Variants in SWAP70 observed in about 807,000 individuals in gnomAD.
SWAP70 encodes the protein switch-associated protein 70.
In SWAP70, 34 loss-of-function variants were observed where a neutral mutation model predicts 80.2. The ratio of observed to expected loss-of-function variants is 0.42; its 90% CI spans 0.32 to 0.56. SWAP70 has a LOEUF of 0.56. Ranked by LOEUF, SWAP70 falls within the 20% of genes least tolerant of loss-of-function variation. SWAP70 has a pLI of 0.09. For synonymous variants in SWAP70, 239 were observed against 238.5 expected, an observed-to-expected ratio of 1.00 and a Z score of -0.02; for missense variants, 578 against 690.7, an observed-to-expected ratio of 0.84 and a Z score of 1.83.
At chr11:9,676,381 G>T (rs994684193) in intron 1 of SWAP70, among the ~76,000 whole-genome samples, 4 of 152,054 alleles carry the variant, frequency 2.6e-5, no homozygotes, top group African/African-American at 9.7e-5. Context: ...CTCTTCTTTT[G>T]TTTGTACAGT....
At chr11:9,686,344 C>CTTATTTATTTATTTATTTATTTATTTAT (rs139472434) in intron 1 of SWAP70, among the ~76,000 whole-genome samples, 2 of 143,830 alleles carry the variant, frequency 1.4e-5, no homozygotes, top group African/African-American at 5.1e-5. Context: ...CTTTTATTTT[C>CTTATTTATTTATTTATTTATTTATTTAT]TTATTTATTT....
Position 9,724,901 on chromosome 11 carries a change from C to A in SWAP70, c.642+16C>A. 6.7e-7 allele frequency: 1 copy of A among 1,484,526 alleles called. No homozygotes were observed. The highest frequency in any genetic ancestry group is 9.3e-7 in the Non-Finnish European group (1 of 1,080,976). The allele number at this position is 1,484,526 out of a possible 1,614,324, so 92.0% of individuals were successfully genotyped here. ...GTTAAAGCAGGTAAGAATTCTGTTA[C>A]TGTTTTTTTTTCTCATCTTTAGAAT... On this transcript the variant is annotated intron_variant, in intron 4 of 11. Transcript: ENST00000318950.
At chr11:9,714,728 A>AG (rs534855693) in intron 3 of SWAP70, among the ~76,000 whole-genome samples, 29 of 151,772 alleles carry the variant, frequency 1.9e-4, no homozygotes, top group South Asian at 1.5e-3. Context: ...GGAGTGAGGG[A>AG]GGTATCCAGC....
chr11:9,668,418 T>C (rs1176848010), intron 1 of SWAP70, among the ~76,000 whole-genome samples: 1 of 152,254 alleles, frequency 6.6e-6, no homozygotes. Flanking sequence ...CTTGTCTGTA[T>C]GAGACTTTGG....
At chr11:9,707,394 A>G (rs1400066655) in intron 2 of SWAP70, among the ~76,000 whole-genome samples, 2 of 149,684 alleles carry the variant, frequency 1.3e-5, no homozygotes, top group African/African-American at 2.5e-5. Flanking sequence ...ACCTTCTATT[A>G]TAAGTAGAAT....
At chr11:9,723,695 A>T (rs1357451311) in intron 3 of SWAP70, among the ~76,000 whole-genome samples, 1 of 152,094 alleles carries the variant, frequency 6.6e-6, no homozygotes, top group Non-Finnish European at 1.5e-5. Flanking sequence ...TTTCCAGAAA[A>T]TAAGAGGTAT....
At chr11:9,715,220 C>T (rs1443291096) in intron 3 of SWAP70, among the ~76,000 whole-genome samples, 11 of 152,062 alleles carry the variant, frequency 7.2e-5, no homozygotes, top group Admixed American at 7.2e-4. Flanking sequence ...CTCAAGTGAT[C>T]CCTTTACCTC....
At chr11:9,728,002 G>A (rs764706707) in intron 4 of SWAP70, 51 bp from the exon 5 acceptor site, 2 of 1,358,794 alleles carry the variant, frequency 1.5e-6, no homozygotes, top group South Asian at 1.4e-5. Context: ...AGAGATGTCA[G>A]CTCTTACAAA....
intron 5 of SWAP70, 135 bp downstream of exon 5, chr11:9,728,334 C>A: frequency 2.0e-6 from 2 of 1,006,962 alleles, no homozygotes; most frequent in East Asian, 2.9e-5. Flanking sequence ...ATAATATAGG[C>A]ATGCAGTTGC....
At chr11:9,718,886 G>T (rs1028485947) in intron 3 of SWAP70, among the ~76,000 whole-genome samples, 5 of 152,012 alleles carry the variant, frequency 3.3e-5, no homozygotes, top group Admixed American at 2.6e-4. Context: ...GATTGCTTGA[G>T]CTGGGGAGTT....
chr11:9,725,554 TATATATA>T (rs1564829473), intron 4 of SWAP70, among the ~76,000 whole-genome samples: 6 of 10,178 alleles, frequency 5.9e-4, no homozygotes, highest in African/African-American at 1.8e-3. Context: ...TATATATATA[TATATATA>T]TATATATATT....
At chr11:9,697,622 A>G (rs1850775135) in intron 2 of SWAP70, among the ~76,000 whole-genome samples, 1 of 152,296 alleles carries the variant, frequency 6.6e-6, no homozygotes, top group Middle Eastern at 3.4e-3. Context: ...TTTTTCAAGA[A>G]TTTTGCAGCA....
At chr11:9,680,484 T>C (rs1409423667) in intron 1 of SWAP70, among the ~76,000 whole-genome samples, 1 of 152,152 alleles carries the variant, frequency 6.6e-6, no homozygotes, top group Non-Finnish European at 1.5e-5. Context: ...GGCATGATCT[T>C]GGCTCACTGC....
At chr11:9,729,288 G>T (rs1851264812) in intron 5 of SWAP70, 55 bp from the exon 6 acceptor site, 1 of 1,063,118 alleles carries the variant, frequency 9.4e-7, no homozygotes. Flanking sequence ...AATTCAAATT[G>T]AATTTCATTT....
Position 9,751,487 on chromosome 11 carries a change from G to A in SWAP70, c.*1517G>A, listed in dbSNP as rs1363232318. 1 of 152,148 alleles carries A rather than the reference G, an allele frequency of 6.6e-6. No individual in the cohort carries two copies. The highest frequency in any genetic ancestry group is 6.5e-5 in the Admixed American group (1 of 15,270). 9.4% of individuals were successfully genotyped at this position (152,148 alleles called of 1,614,324 possible). A position where few individuals can be genotyped will look rare whatever the true frequency, so the allele number is the denominator to read the frequency against. On this transcript the variant is annotated 3_prime_UTR_variant, in exon 12 of 12. Transcript: ENST00000318950. ...AAGCTTAAAATTGTAAATAAATATG[G>A]GGATAATTCAGTTGTTGCAAAAAAA...
rs754570139 is a variant in SWAP70, at chr11:9,738,235, G to A, written c.1103G>A (p.Arg368His). ...VRKKLEEAAS[R>H]AAEEEKKRLQ... ...TAGAAACTGGAGGAAGCAGCATCTC[G>A]TGCAGCAGAAGAGGAAAAGAAACGC... The change falls in exon 8 of 12, where the codon CGT becomes CAT. Residue 368 changes from arginine (R) to histidine (H), a missense_variant. Transcript: ENST00000318950. 24 of 1,609,776 alleles carry A rather than the reference G, an allele frequency of 1.5e-5. No homozygotes were observed. The highest frequency in any genetic ancestry group is 3.3e-4 in the Middle Eastern group (2 of 6,070).
chr11:9,675,421 G>A (rs1206394050), intron 1 of SWAP70, among the ~76,000 whole-genome samples: 4 of 143,068 alleles, frequency 2.8e-5, no homozygotes, highest in Non-Finnish European at 4.6e-5. Context: ...GAGAGAGAGA[G>A]GAGGGAGGAG....
chr11:9,691,743 CT>C (rs980822896), intron 1 of SWAP70, among the ~76,000 whole-genome samples: 1 of 152,198 alleles, frequency 6.6e-6, no homozygotes, highest in African/African-American at 2.4e-5. Flanking sequence ...ATCTGTGAGT[CT>C]GTAGTCACCA....
intron 7 of SWAP70, among the ~76,000 whole-genome samples, chr11:9,737,780 C>T (rs111956172): frequency 2.6e-5 from 4 of 152,178 alleles, no homozygotes; most frequent in Non-Finnish European, 4.4e-5. Flanking sequence ...CCTGTAGTCC[C>T]GGCTACTCGG....
Sources: gnomAD v4.1 joint callset for allele counts (sites outside exome capture counted in the v4.1 genomes callset) on GRCh38, gnomAD v4.1.1 for gene constraint, MANE v1.5 for transcripts, NCBI Gene and HGNC (gene_info 2026-07-23, HGNC 2026-07-21) for gene names.